Variants in CRYBB2 observed in about 807,000 individuals in gnomAD.
CRYBB2 encodes beta-crystallin B2.
CRYBB2 carries 12 observed loss-of-function variants against 24.3 expected under a neutral mutation model. That is an observed-to-expected ratio of 0.49 (90% confidence interval 0.32 to 0.80). The LOEUF (loss-of-function observed/expected upper bound fraction) is 0.80, where lower values mean the gene tolerates loss of function less well. Among genes scored for constraint, CRYBB2 ranks in the 30% least tolerant of loss-of-function variants. CRYBB2 has a pLI of 0.04. For missense variants in CRYBB2, 198 were observed against 268.5 expected, an observed-to-expected ratio of 0.74 and a Z score of 1.83; for synonymous variants, 98 against 101.6, an observed-to-expected ratio of 0.96 and a Z score of 0.21.
chr22:25,217,125 G>A (rs1427626773), upstream of CRYBB2, among the ~76,000 whole-genome samples: 1 of 151,258 alleles, frequency 6.6e-6, no homozygotes, highest in Non-Finnish European at 1.5e-5. Context: ...TCAATTCTTT[G>A]GGGCACGTGC....
upstream of CRYBB2, among the ~76,000 whole-genome samples, chr22:25,212,362 C>T (rs1935116561): frequency 6.6e-6 from 1 of 152,192 alleles, no homozygotes; most frequent in Non-Finnish European, 1.5e-5. Context: ...AGGTTCATGG[C>T]AGGGGCAGGG....
intron 1 of CRYBB2, among the ~76,000 whole-genome samples, chr22:25,220,023 T>G (rs1262908322): frequency 6.6e-6 from 1 of 152,076 alleles, no homozygotes. Context: ...CAGCATTGTT[T>G]CTAGGTGGGT....
chr22:25,218,699 AGAGAGG>A (rs201394878), upstream of CRYBB2, among the ~76,000 whole-genome samples: 5,510 of 59,314 alleles, frequency 0.093, 347 homozygotes, highest in East Asian at 0.27. Flanking sequence ...AAAGAGAGAG[AGAGAGG>A]GGGAGAGAGA....
upstream of CRYBB2, among the ~76,000 whole-genome samples, chr22:25,218,581 G>A (rs1269518854): frequency 2.0e-5 from 3 of 150,534 alleles, no homozygotes; most frequent in Non-Finnish European, 4.4e-5. Flanking sequence ...CAGGAGAATC[G>A]CTTGAACCTG....
At chr22:25,218,738 A>G (rs866169228), upstream of CRYBB2, among the ~76,000 whole-genome samples, 26 of 23,738 alleles carry the variant, frequency 1.1e-3, no homozygotes, top group Non-Finnish European at 1.6e-3. Flanking sequence ...GAGAGAGGGG[A>G]GAGAGAGAGA....
Position 25,224,741 on chromosome 22 carries a change from G to A in CRYBB2, c.55-177G>A, listed in dbSNP as rs976454166. The stretch of plus-strand genomic sequence containing the variant: ...TCAGAGAGGAGAAATGCAGGCTCAA[G>A]GTCCCACGGCTGCTTATAGCCAGAG... On this transcript the variant is annotated intron_variant, in intron 2 of 5. Coordinates refer to ENST00000398215, the MANE Select transcript of CRYBB2 (RefSeq NM_000496.3). Among the ~76,000 whole-genome samples, 3 of 152,106 alleles carry A rather than the reference G, an allele frequency of 2.0e-5. No homozygotes were observed. In the South Asian group the frequency reaches 6.2e-4, roughly 32 times the overall value.
chr22:25,217,001 T>C (rs1164864715), upstream of CRYBB2, among the ~76,000 whole-genome samples: 1 of 152,236 alleles, frequency 6.6e-6, no homozygotes, highest in African/African-American at 2.4e-5. Flanking sequence ...ATAGACCACA[T>C]AGTGTTTATC....
At chr22:25,213,364 A>G (rs1169819845) in intron 1 of CRYBB2, 1 of 152,134 alleles carries the variant, frequency 6.6e-6, no homozygotes, top group African/African-American at 2.4e-5. Flanking sequence ...GGAAGGTTTG[A>G]GTCCTTTCTC....
chr22:25,214,064 T>G (rs1178661657), intron 1 of CRYBB2, among the ~76,000 whole-genome samples: 1 of 152,126 alleles, frequency 6.6e-6, no homozygotes, highest in African/African-American at 2.4e-5. Flanking sequence ...TTGGGCCAGG[T>G]GCAGTGGCCC....
chr22:25,214,722 G>A (rs935459125), upstream of CRYBB2, among the ~76,000 whole-genome samples: 9 of 152,100 alleles, frequency 5.9e-5, no homozygotes, highest in Admixed American at 5.9e-4. Context: ...AATGTCCATG[G>A]GCCAAAATAT....
intron 5 of CRYBB2, among the ~76,000 whole-genome samples, 200 bp downstream of exon 5, chr22:25,229,778 C>G (rs1378210710): frequency 6.6e-6 from 1 of 152,088 alleles, no homozygotes; most frequent in Non-Finnish European, 1.5e-5. Context: ...CTAGAGCTGC[C>G]TTTGGGGAAA....
chr22:25,225,742 G>A (rs997902849), intron 3 of CRYBB2, among the ~76,000 whole-genome samples: 6 of 152,158 alleles, frequency 3.9e-5, no homozygotes, highest in Admixed American at 1.3e-4. Flanking sequence ...AAATCCTAAG[G>A]TGACCTATAC....
chr22:25,224,950 C>G lies in CRYBB2; in HGVS notation c.87C>G (p.Gly29=), dbSNP rs753003188. The change falls in exon 3 of 6, where the codon GGC becomes GGG. Residue 29 remains glycine (G), a synonymous_variant. Coordinates refer to ENST00000398215, the MANE Select transcript of CRYBB2 (RefSeq NM_000496.3). ...IIIFEQENFQ[G]HSHELNGPCP... The stretch of plus-strand genomic sequence containing the variant: ...TCTTTGAGCAGGAAAACTTTCAAGG[C>G]CACTCGCATGAGCTCAATGGGCCCT... 6.2e-7 allele frequency: 1 copy of G among 1,610,704 alleles called. No individual in the cohort carries two copies. The highest frequency in any genetic ancestry group is 8.5e-7 in the Non-Finnish European group (1 of 1,176,972).
At chr22:25,218,810 G>GAAAGAAAGAAAGAAAGAAAGAAAGAAAGA (rs1935262136), upstream of CRYBB2, among the ~76,000 whole-genome samples, 1 of 122,378 alleles carries the variant, frequency 8.2e-6, no homozygotes, top group African/African-American at 3.3e-5. Flanking sequence ...AAGAAAGAAA[G>GAAAGAAAGAAAGAAAGAAAGAAAGAAAGA]AAAGAAAGAA....
intron 3 of CRYBB2, among the ~76,000 whole-genome samples, chr22:25,226,223 T>G (rs1935412564): frequency 6.6e-6 from 1 of 151,468 alleles, no homozygotes; most frequent in African/African-American, 2.4e-5. Flanking sequence ...CAAATCAAAC[T>G]TGGATCATAC....
In CRYBB2 at chr22:25,229,590, G is replaced by T; in HGVS notation, c.449+12G>T. On this transcript the variant is annotated intron_variant, in intron 5 of 5. Transcript: ENST00000398215. ...GTGCAGAGTGGCACGTAAGTGCGTT[G>T]CCAGCCCTGGCTCACCCTGCCCCAG... 6.2e-7 allele frequency: 1 copy of T among 1,614,098 alleles called. No individual in the cohort carries two copies. Among genetic ancestry groups the T allele is most frequent in the Non-Finnish European group, 8.5e-7 (1 of 1,179,982 alleles).
chr22:25,214,835 C>G (rs1935146809), upstream of CRYBB2, among the ~76,000 whole-genome samples: 2 of 152,214 alleles, frequency 1.3e-5, no homozygotes, highest in Non-Finnish European at 2.9e-5. Flanking sequence ...CAAATCCCAG[C>G]TCTACCACTT....
upstream of CRYBB2, among the ~76,000 whole-genome samples, chr22:25,217,724 C>G (rs180760954): frequency 4.6e-5 from 7 of 152,304 alleles, no homozygotes; most frequent in East Asian, 1.2e-3. Flanking sequence ...TGCTTATCTT[C>G]TCATTGGAAA....
chr22:25,218,779 G>GAGAGAGAAAGAAAGAAA, upstream of CRYBB2, among the ~76,000 whole-genome samples: 1 of 34,532 alleles, frequency 2.9e-5, no homozygotes, highest in African/African-American at 1.2e-4. Context: ...GAGAGAGAGA[G>GAGAGAGAAAGAAAGAAA]AAGAAAGAAA....
Sources: gnomAD v4.1 joint callset for allele counts (sites outside exome capture counted in the v4.1 genomes callset) on GRCh38, gnomAD v4.1.1 for gene constraint, MANE v1.5 for transcripts, NCBI Gene and HGNC (gene_info 2026-07-23, HGNC 2026-07-21) for gene names.